Variants in NAV2 observed in about 807,000 individuals in gnomAD.
NAV2 encodes neuron navigator 2.
In NAV2, 54 loss-of-function variants were observed where a neutral mutation model predicts 223.2. The ratio of observed to expected loss-of-function variants is 0.24; its 90% confidence interval spans 0.19 to 0.30. The LOEUF is 0.30. Among genes scored for constraint, NAV2 ranks in the 10% least tolerant of loss-of-function variants. The pLI is 1.00. For missense variants in NAV2, 2,806 were observed against 3,147.5 expected (o/e 0.89, Z 2.60); for synonymous variants, 1,279 against 1,239.3 (o/e 1.03, Z -0.67).
chr11:19,582,674 G>A (rs1048770483), intron 1 of NAV2, among the ~76,000 whole-genome samples: 2 of 152,134 alleles, frequency 1.3e-5, no homozygotes, highest in Non-Finnish European at 2.9e-5. Flanking sequence ...TCAGATAGTT[G>A]TAGATATGTG....
chr11:19,847,749 G>A (rs1330481558), intron 3 of NAV2, among the ~76,000 whole-genome samples: 1 of 152,174 alleles, frequency 6.6e-6, no homozygotes, highest in Non-Finnish European at 1.5e-5. Flanking sequence ...CTTGTGCCAA[G>A]CACCATTCTA....
At chr11:19,982,131 T>G (rs557878447) in intron 10 of NAV2, among the ~76,000 whole-genome samples, 1 of 152,348 alleles carries the variant, frequency 6.6e-6, no homozygotes, top group South Asian at 2.1e-4. Flanking sequence ...GAAGGGCAAT[T>G]AAACAAATAA....
At chr11:19,618,793 G>T (rs994823184) in intron 1 of NAV2, among the ~76,000 whole-genome samples, 29 of 151,802 alleles carry the variant, frequency 1.9e-4, no homozygotes, top group African/African-American at 6.8e-4. Flanking sequence ...ATTGGGGAGG[G>T]GGTACAGGGA....
chr11:19,374,309 G>GT lies in NAV2; in HGVS notation c.75+23306dup, dbSNP rs10533713. Among the ~76,000 whole-genome samples the GT allele has an allele frequency of 7.0e-3, 871 of 124,526 alleles. 6 individuals carry two copies. Among genetic ancestry groups the GT allele is most frequent in the Non-Finnish European group, 9.6e-3 (595 of 61,778 alleles). 81.7% of individuals were successfully genotyped at this position (124,526 alleles called of 152,430 possible). On this transcript the variant is annotated intron_variant, in intron 1 of 37. Transcript: ENST00000360655. ...ATCCAAAGAGAATTTTTCCGAAAAGGTTTTTTTTTTTTTTTTTTTTTTTTA... is the reference window on the plus strand; with the variant it reads ...ATCCAAAGAGAATTTTTCCGAAAAGGTTTTTTTTTTTTTTTTTTTTTTTTTA...
chr11:19,935,864 T>TTTTTGTTTTTTTTTG (rs2045833870), intron 7 of NAV2, among the ~76,000 whole-genome samples: 2 of 101,154 alleles, frequency 2.0e-5, no homozygotes, highest in Admixed American at 2.1e-4. Context: ...TTTTTTTTTT[T>TTTTTGTTTTTTTTTG]TTTTTTTTTT....
chr11:19,933,467 T>C lies in NAV2; in HGVS notation c.1223T>C (p.Phe408Ser). 1 of 1,607,966 alleles carries C rather than the reference T, an allele frequency of 6.2e-7. No individual in the cohort carries two copies. The highest frequency in any genetic ancestry group is 8.5e-7 in the Non-Finnish European group (1 of 1,177,456). ...TCCATGCTGGAAAAGCTGAAACTTT[T>C]CAACAGTAAAGGGGGCTCAAAGGCA... ...QKSMLEKLKL[F>S]NSKGGSKAGE... Residue 408 changes from phenylalanine to serine, a missense_variant, in exon 7 of 38, where the codon TTC (phenylalanine) becomes TCC (serine). By Grantham distance (155) the Phe-to-Ser change is radical. Transcript: ENST00000349880. The surrounding 1 kb of genome is among the most constrained non-coding windows in gnomAD (Gnocchi z 4.3).
At chr11:19,817,760 G>A (rs376150399) in intron 1 of NAV2, among the ~76,000 whole-genome samples, 5 of 152,230 alleles carry the variant, frequency 3.3e-5, no homozygotes, top group South Asian at 4.2e-4. Flanking sequence ...AAATAAAGCC[G>A]GGTCACTCTC....
chr11:19,637,677 G>C (rs371362024), intron 1 of NAV2, among the ~76,000 whole-genome samples: 1 of 152,224 alleles, frequency 6.6e-6, no homozygotes, highest in East Asian at 1.9e-4. Flanking sequence ...TTGGAGCAAG[G>C]GGGTGGAGGA....
At chr11:19,734,304 A>G (rs2052073037) in intron 1 of NAV2, among the ~76,000 whole-genome samples, 1 of 152,212 alleles carries the variant, frequency 6.6e-6, no homozygotes, top group Admixed American at 6.5e-5. Flanking sequence ...GATATTTGAG[A>G]GGATGAATAT....
At chr11:19,511,882 C>T (rs575056624) in intron 1 of NAV2, among the ~76,000 whole-genome samples, 25 of 152,342 alleles carry the variant, frequency 1.6e-4, no homozygotes, top group African/African-American at 6.0e-4. Flanking sequence ...CCAGCCTTTC[C>T]CTCCTGACCC....
intron 10 of NAV2, among the ~76,000 whole-genome samples, chr11:19,958,984 T>C (rs2048129985): frequency 6.6e-6 from 1 of 152,206 alleles, no homozygotes; most frequent in Non-Finnish European, 1.5e-5. Context: ...ACTTTTTACA[T>C]TAAACTCAGC....
At chr11:19,946,350 A>T in intron 8 of NAV2, 51 bp from the exon 9 acceptor site, 1 of 1,515,084 alleles carries the variant, frequency 6.6e-7, no homozygotes, top group Non-Finnish European at 9.0e-7. Context: ...GCCCTTATGA[A>T]GCTCATGGTT....
chr11:19,601,032 A>T (rs566967756), intron 1 of NAV2, among the ~76,000 whole-genome samples: 2 of 152,344 alleles, frequency 1.3e-5, no homozygotes, highest in South Asian at 4.1e-4. Context: ...CAGCAGATAC[A>T]GTCTTGTTCT....
At chr11:19,520,237 T>A (rs2632057) in intron 1 of NAV2, among the ~76,000 whole-genome samples, 1 of 152,194 alleles carries the variant, frequency 6.6e-6, no homozygotes, top group East Asian at 1.9e-4. Context: ...CAAACACTCA[T>A]GGGCATTTTA....
chr11:20,044,149 A>G lies in NAV2; in HGVS notation c.3076A>G (p.Lys1026Glu), dbSNP rs772166625. ...CGAGTCCGACAAAAGCACGTCGGGCAAGAAGAATCCTGTCATCTCCCAGAC... is the reference window on the plus strand; with the variant it reads ...CGAGTCCGACAAAAGCACGTCGGGCGAGAAGAATCCTGTCATCTCCCAGAC... Reference protein sequence around the residue: ...SDESDKSTSGKKNPVISQTGS... With the variant: ...SDESDKSTSGEKNPVISQTGS... Residue 1026 changes from lysine (K) to glutamate (E), a missense_variant, in exon 13 of 38, where the codon AAG becomes GAG. Coordinates refer to ENST00000349880, the MANE Select transcript of NAV2 (RefSeq NM_145117.5). The G allele has an allele frequency of 1.2e-6, 2 of 1,614,208 alleles. No homozygotes were observed. Among genetic ancestry groups the G allele is most frequent in the South Asian group, 1.1e-5 (1 of 91,088 alleles).
intron 9 of NAV2, among the ~76,000 whole-genome samples, chr11:19,947,894 G>T (rs1471192110): frequency 6.6e-6 from 1 of 152,184 alleles, no homozygotes; most frequent in African/African-American, 2.4e-5. Flanking sequence ...CCACTGCTCA[G>T]TTGGGAGGGA....
chr11:19,998,073 C>T lies in NAV2; in HGVS notation c.2768+13826C>T, dbSNP rs1390594434. 6.6e-6 allele frequency among the ~76,000 whole-genome samples: 1 copy of T among 152,046 alleles called. No individual in the cohort carries two copies. Among genetic ancestry groups the T allele is most frequent in the East Asian group, 1.9e-4 (1 of 5,188 alleles). On this transcript the variant is annotated intron_variant, in intron 11 of 37. Coordinates refer to ENST00000349880, the MANE Select transcript of NAV2 (RefSeq NM_145117.5). This position sits in a 1 kb window ranked among gnomAD's most constrained non-coding sequence, Gnocchi z 5.0. The stretch of plus-strand genomic sequence containing the variant: ...CAAAAGTGTGTTTTTCTCAGCATTC[C>T]CAGGCTTTGCACAGAGCTGGGCATA...
At chr11:19,753,931 G>C (rs2054039934) in intron 1 of NAV2, among the ~76,000 whole-genome samples, 1 of 152,224 alleles carries the variant, frequency 6.6e-6, no homozygotes, top group South Asian at 2.1e-4. Flanking sequence ...AGAAAGCTTG[G>C]TGGGTGGAGG....
intron 1 of NAV2, among the ~76,000 whole-genome samples, chr11:19,626,301 G>A (rs1590718517): frequency 6.6e-6 from 1 of 152,104 alleles, no homozygotes; most frequent in South Asian, 2.1e-4. Context: ...TCCTCAGTGA[G>A]TGTTCTTGGC....
Sources: gnomAD v4.1 joint callset for allele counts (sites outside exome capture counted in the v4.1 genomes callset) on GRCh38, gnomAD v4.1.1 for gene constraint, Gnocchi (gnomAD v3.1) non-coding constraint, MANE v1.5 for transcripts, NCBI Gene and HGNC (gene_info 2026-07-23, HGNC 2026-07-21) for gene names.